Variants in ABCC1 observed in about 807,000 individuals in gnomAD.
ABCC1 encodes the protein multidrug resistance-associated protein 1.
A neutral mutation model predicts 172.9 loss-of-function variants in ABCC1; 83 were observed. The observed-to-expected ratio is 0.48, with a 90% confidence interval of 0.40 to 0.58. The LOEUF (loss-of-function observed/expected upper bound fraction) is 0.58, where lower values mean the gene tolerates loss of function less well. Among genes scored for constraint, ABCC1 ranks in the 20% least tolerant of loss-of-function variants. The pLI, the probability that ABCC1 is intolerant of heterozygous loss-of-function variation, is 0.00. For missense variants in ABCC1, 1,817 were observed against 2,002.7 expected, an observed-to-expected ratio of 0.91 and a Z score of 1.77; for synonymous variants, 937 against 825.2, an observed-to-expected ratio of 1.14 and a Z score of -2.32.
chr16:15,962,030 C>T (rs1162298454), intron 1 of ABCC1, among the ~76,000 whole-genome samples: 1 of 152,214 alleles, frequency 6.6e-6, no homozygotes, highest in Non-Finnish European at 1.5e-5. Flanking sequence ...CAGGTTACTG[C>T]AGCAGTTTAT....
intron 13 of ABCC1, among the ~76,000 whole-genome samples, chr16:16,071,060 C>T (rs1730341060): frequency 6.6e-6 from 1 of 151,946 alleles, no homozygotes; most frequent in South Asian, 2.1e-4. Flanking sequence ...CAGGCCTCTG[C>T]CCTTTTCTTC....
intron 5 of ABCC1, among the ~76,000 whole-genome samples, chr16:16,027,874 TC>T (rs778332582): frequency 4.6e-5 from 7 of 152,298 alleles, no homozygotes; most frequent in Non-Finnish European, 1.0e-4. Context: ...TGTCACTGCT[TC>T]TATTATTATT....
chr16:16,059,479 T>C (rs1457345107), intron 12 of ABCC1, among the ~76,000 whole-genome samples: 1 of 152,106 alleles, frequency 6.6e-6, no homozygotes, highest in Admixed American at 6.6e-5. Context: ...ATGTGTCATG[T>C]AATATTGTTT....
intron 16 of ABCC1, among the ~76,000 whole-genome samples, chr16:16,080,622 G>A (rs1459742179): frequency 6.6e-6 from 1 of 152,216 alleles, no homozygotes; most frequent in East Asian, 1.9e-4. Context: ...ACATTTGGGC[G>A]ATAAAGAACC....
intron 15 of ABCC1, among the ~76,000 whole-genome samples, chr16:16,076,878 A>G (rs1378033322): frequency 6.6e-6 from 1 of 152,060 alleles, no homozygotes; most frequent in East Asian, 1.9e-4. Context: ...CTTCTTATTG[A>G]CCCAGATTGG....
intron 20 of ABCC1, among the ~76,000 whole-genome samples, chr16:16,106,137 A>G (rs2052088115): frequency 1.3e-5 from 2 of 152,058 alleles, no homozygotes. Context: ...TCGGCCTCCC[A>G]AAGTGCTGGG....
rs912574228 is a variant in ABCC1, at chr16:16,068,204, A to T, written c.1726A>T (p.Ile576Phe). The T allele has an allele frequency of 4.3e-6, 7 of 1,613,952 alleles. No individual in the cohort carries two copies. The African/African-American group carries it at 5.3e-5, about 12-fold the overall frequency. ...AVYVTIDENN[I>F]LDAQTAFVSL... ...CTACGTGACCATTGACGAGAACAAC[A>T]TCCTGGATGCCCAGACAGCCTTCGT... The change falls in exon 13 of 31, where the codon ATC becomes TTC. Residue 576 changes from isoleucine to phenylalanine, a missense_variant. Around this residue, in one of 3 missense-constraint regions of ABCC1, gnomAD observed 1,412 missense variants for 1,600.3 expected, o/e 0.88. Transcript: ENST00000399410.
intron 10 of ABCC1, among the ~76,000 whole-genome samples, chr16:16,051,078 G>C (rs1282942665): frequency 6.6e-6 from 1 of 152,078 alleles, no homozygotes; most frequent in East Asian, 1.9e-4. Context: ...TTTTGTTTTA[G>C]ATGGTAGTTG....
intron 19 of ABCC1, among the ~76,000 whole-genome samples, chr16:16,096,774 A>G (rs956064614): frequency 4.6e-5 from 7 of 152,192 alleles, no homozygotes; most frequent in Non-Finnish European, 7.3e-5. Context: ...CTGGCAACGG[A>G]ATACACAGAC....
Position 16,092,483 on chromosome 16 carries a change from G to A in ABCC1, c.2644+1895G>A, listed in dbSNP as rs1228641947. Among the ~76,000 whole-genome samples, 6 of 152,196 alleles carry A rather than the reference G, an allele frequency of 3.9e-5. No homozygotes were observed. In the East Asian group the frequency reaches 1.2e-3, roughly 29 times the overall value. On this transcript the variant is annotated intron_variant, in intron 19 of 30. Transcript: ENST00000399410. ...ATTTCATATAAATGCCATCACAATA[G>A]GTGGAATGTTGTGACTGGCGGCTTT...
chr16:16,134,816 C>T (rs2045857254), intron 28 of ABCC1, among the ~76,000 whole-genome samples: 1 of 151,908 alleles, frequency 6.6e-6, no homozygotes, highest in African/African-American at 2.4e-5. Context: ...TTGTTTTGTA[C>T]TTTTTTGTGG....
At chr16:16,108,594 G>T (rs1024700843) in intron 21 of ABCC1, among the ~76,000 whole-genome samples, 18 of 138,948 alleles carry the variant, frequency 1.3e-4, no homozygotes, top group South Asian at 4.7e-4. Context: ...TTTTTAATTT[G>T]TTTTCTTTTT....
At position 16,120,861 on chromosome 16, in the gene ABCC1, G is replaced by A. The variant is rs140065718; in HGVS notation, c.3391-1114G>A. 2.6e-3 allele frequency among the ~76,000 whole-genome samples: 392 copies of A among 152,276 alleles called. 2 individuals carry two copies. Among genetic ancestry groups the A allele is most frequent in the African/African-American group, 8.9e-3 (370 of 41,558 alleles). ...TGGGCATCTCAGCTGGGCTGAGTGT[G>A]CTGGAACCGGCCATTGCATGGACAC... is the stretch of plus-strand genomic sequence containing the variant. On this transcript the variant is annotated intron_variant, in intron 23 of 30. Coordinates refer to ENST00000399410, the MANE Select transcript of ABCC1 (RefSeq NM_004996.4).
intron 1 of ABCC1, among the ~76,000 whole-genome samples, chr16:15,955,441 C>T (rs1242976062): frequency 6.6e-6 from 1 of 152,148 alleles, no homozygotes; most frequent in Non-Finnish European, 1.5e-5. Flanking sequence ...AGCTGTCCCT[C>T]TTCTACTAAA....
At chr16:16,111,321 G>GCTGGGT (rs1370313455) in intron 21 of ABCC1, 54 bp from the exon 22 acceptor site, 2 of 1,529,638 alleles carry the variant, frequency 1.3e-6, no homozygotes, top group Middle Eastern at 1.7e-4. Context: ...TGGGGCTGGG[G>GCTGGGT]CTGGGGCTGG....
chr16:16,011,731 G>A (rs2047792271), intron 3 of ABCC1, among the ~76,000 whole-genome samples: 1 of 151,474 alleles, frequency 6.6e-6, no homozygotes, highest in Non-Finnish European at 1.5e-5. Context: ...ATGTAATGGT[G>A]TGATCTTGAG....
At chr16:16,096,077 G>T (rs564082201) in intron 19 of ABCC1, among the ~76,000 whole-genome samples, 1 of 152,018 alleles carries the variant, frequency 6.6e-6, no homozygotes, top group African/African-American at 2.4e-5. Flanking sequence ...GACCAGCCTC[G>T]CCAACATGGT....
intron 12 of ABCC1, among the ~76,000 whole-genome samples, chr16:16,066,913 A>G (rs1168172149): frequency 6.6e-6 from 1 of 151,984 alleles, no homozygotes. Context: ...AAAAAAAAAA[A>G]AAGTATCTTT....
rs930071752 is a variant in ABCC1, at chr16:16,068,398, A to C, written c.1824+96A>C. 2.0e-5 allele frequency: 29 copies of C among 1,442,938 alleles called. No homozygotes were observed. The African/African-American group carries it at 3.1e-4, about 15-fold the overall frequency. 89.4% of individuals were successfully genotyped at this position (1,442,938 alleles called of 1,614,324 possible). Reference sequence around the variant, plus strand: ...CCCCCGAGCGCAGCCTCTAGATCACACTCCCGGTCGGGCTCCATGAGGCCC... The same window carrying C: ...CCCCCGAGCGCAGCCTCTAGATCACCCTCCCGGTCGGGCTCCATGAGGCCC... On this transcript the variant is annotated intron_variant, in intron 13 of 30. Coordinates refer to ENST00000399410, the MANE Select transcript of ABCC1 (RefSeq NM_004996.4).
Sources: gnomAD v4.1 joint callset for allele counts (sites outside exome capture counted in the v4.1 genomes callset) on GRCh38, gnomAD v4.1.1 for gene constraint, gnomAD v4.1.1 regional missense constraint, MANE v1.5 for transcripts, NCBI Gene and HGNC (gene_info 2026-07-23, HGNC 2026-07-21) for gene names.